Variants in ADGRA3 observed in about 807,000 individuals in gnomAD.
The protein encoded by ADGRA3 is adhesion G protein-coupled receptor A3.
A neutral mutation model predicts 119.8 loss-of-function variants in ADGRA3; 56 were observed. That is an observed-to-expected ratio of 0.47 (90% CI 0.38 to 0.58). The LOEUF (loss-of-function observed/expected upper bound fraction) is 0.58. Ranked by LOEUF, ADGRA3 falls within the 20% of genes least tolerant of loss-of-function variation. ADGRA3 has a pLI of 0.00. For missense variants in ADGRA3, 1,516 were observed against 1,649.0 expected (o/e 0.92, Z 1.40); for synonymous variants, 607 against 623.8 (o/e 0.97, Z 0.40).
At chr4:22,471,417 G>A (rs1284744108) in intron 2 of ADGRA3, among the ~76,000 whole-genome samples, 1 of 152,028 alleles carries the variant, frequency 6.6e-6, no homozygotes, top group Non-Finnish European at 1.5e-5. Context: ...CTCATGACAC[G>A]TAACAAACCT....
rs182956297 is a variant in ADGRA3, at chr4:22,491,532, C to T, written c.258-17689G>A. Among the ~76,000 whole-genome samples, 192 of 152,224 alleles carry T rather than the reference C, an allele frequency of 1.3e-3. 1 individual carries two copies. Among genetic ancestry groups the T allele is most frequent in the Non-Finnish European group, 1.9e-3 (130 of 68,016 alleles). On this transcript the variant is annotated intron_variant, in intron 1 of 18. Coordinates refer to ENST00000334304, the MANE Select transcript of ADGRA3 (RefSeq NM_145290.4). Reference sequence around the variant, plus strand: ...CTTCAGAGTTGTAGCAAGAATCCTCCGAAGTCAGTTTAGAGAGAATGCTCC... The same window carrying T: ...CTTCAGAGTTGTAGCAAGAATCCTCTGAAGTCAGTTTAGAGAGAATGCTCC...
rs755303518 is a variant in ADGRA3 at position 22,387,943 on chromosome 4, C to A, written c.3728G>T (p.Cys1243Phe). 1 of 1,614,150 alleles carries A rather than the reference C, an allele frequency of 6.2e-7. No homozygotes were observed. The highest frequency in any genetic ancestry group is 8.5e-7 in the Non-Finnish European group (1 of 1,180,020). The part of the protein sequence containing the change: ...NPPQQDSSDA[C>F]STLPKSSRNF... ...TCTGCTACTTTTGGGAAGTGTGCTA[C>A]AAGCATCGCTGCTGTCTTGCTGGGG... Residue 1243 changes from cysteine (C) to phenylalanine (F), a missense_variant, in exon 19 of 19, where the codon TGT becomes TTT. Around this residue, in one of 2 missense-constraint regions of ADGRA3, gnomAD observed 1,088 missense variants for 1,107.1 expected, o/e 0.98. Transcript: ENST00000334304.
At chr4:22,503,697 T>G (rs371993803) in intron 1 of ADGRA3, among the ~76,000 whole-genome samples, 1 of 152,302 alleles carries the variant, frequency 6.6e-6, no homozygotes, top group East Asian at 1.9e-4. Context: ...CTTGGAACCA[T>G]GTATTCTAAC....
chr4:22,440,125 C>T (rs1296984652), intron 7 of ADGRA3, among the ~76,000 whole-genome samples: 1 of 152,150 alleles, frequency 6.6e-6, no homozygotes, highest in South Asian at 2.1e-4. Context: ...GTAGCACTTG[C>T]TTTGTACCAC....
Position 22,447,487 on chromosome 4 carries a change from A to G in ADGRA3, c.498T>C (p.Ser166=). 6.3e-7 allele frequency: 1 copy of G among 1,580,186 alleles called. No individual in the cohort carries two copies. The highest frequency in any genetic ancestry group is 8.6e-7 in the Non-Finnish European group (1 of 1,165,058). Residue 166 remains serine, a synonymous_variant, in exon 5 of 19, where the codon TCT becomes TCC. Coordinates refer to ENST00000334304, the MANE Select transcript of ADGRA3 (RefSeq NM_145290.4). The part of the protein sequence containing the change: ...VRLNLSGNLF[S]SLSQGTFDYL... ...AATCAAAAGTTCCTTGAGATAATGAAGAAAACAAATTCCCCGAAAGGTTTC... is the reference window on the plus strand; with the variant it reads ...AATCAAAAGTTCCTTGAGATAATGAGGAAAACAAATTCCCCGAAAGGTTTC...
chr4:22,468,948 A>C (rs1220613867), intron 2 of ADGRA3, among the ~76,000 whole-genome samples: 1 of 152,080 alleles, frequency 6.6e-6, no homozygotes, highest in African/African-American at 2.4e-5. Context: ...TCTTCTAATA[A>C]TAATGTTTTT....
intron 2 of ADGRA3, among the ~76,000 whole-genome samples, chr4:22,464,104 C>T (rs1475971037): frequency 2.6e-5 from 4 of 152,076 alleles, no homozygotes; most frequent in Admixed American, 6.6e-5. Context: ...AACCAAACTC[C>T]CTGCAACCAC....
intron 16 of ADGRA3, among the ~76,000 whole-genome samples, chr4:22,400,942 A>G (rs2045815): frequency 0.077 from 11,794 of 152,230 alleles, 827 homozygotes; most frequent in East Asian, 0.29. Context: ...CAAGAAGACT[A>G]TTCACTAAGC....
chr4:22,474,321 T>C (rs949355297), intron 1 of ADGRA3, among the ~76,000 whole-genome samples: 1 of 152,214 alleles, frequency 6.6e-6, no homozygotes, highest in East Asian at 1.9e-4. Flanking sequence ...TTTAACAATA[T>C]ACAAATCTAC....
At chr4:22,505,843 A>T (rs1170421239) in intron 1 of ADGRA3, among the ~76,000 whole-genome samples, 2 of 152,162 alleles carry the variant, frequency 1.3e-5, no homozygotes, top group Non-Finnish European at 2.9e-5. Context: ...TACAAGACTA[A>T]GATAAAACTG....
At chr4:22,463,071 A>G (rs1472577930) in intron 2 of ADGRA3, among the ~76,000 whole-genome samples, 4 of 152,206 alleles carry the variant, frequency 2.6e-5, no homozygotes, top group Non-Finnish European at 4.4e-5. Flanking sequence ...TGTCTACTGA[A>G]GCCAGAGTGG....
At chr4:22,453,089 C>A (rs1161057406) in intron 4 of ADGRA3, among the ~76,000 whole-genome samples, 1 of 151,344 alleles carries the variant, frequency 6.6e-6, no homozygotes, top group Non-Finnish European at 1.5e-5. Context: ...GTAATCCCAG[C>A]TACTCGCAAG....
chr4:22,427,070 G>A (rs959013817), intron 10 of ADGRA3, among the ~76,000 whole-genome samples: 18 of 152,152 alleles, frequency 1.2e-4, no homozygotes, highest in African/African-American at 4.1e-4. Context: ...TTAAGATTTT[G>A]TCTATTATTC....
rs35762546 is a variant in ADGRA3, at chr4:22,442,712, G to A, written c.858C>T (p.Thr286=). Residue 286 remains threonine (T), a synonymous_variant, in exon 7 of 19, where the codon ACC becomes ACT. Transcript: ENST00000334304. The part of the protein sequence containing the change: ...LWYQDGRIVE[T]DESQGIFVEK... ...CAACAAAAATACCTTGCGATTCATC[G>A]GTTTCAACTATTCTCCCATCCTGAT... 0.016 allele frequency: 26,299 copies of A among 1,613,086 alleles called. 275 individuals are homozygous for A. The highest frequency in any genetic ancestry group is 0.043 in the Middle Eastern group (263 of 6,054).
At position 22,402,912 on chromosome 4, in the gene ADGRA3, CTCTT is replaced by C. The variant is rs1479687263; in HGVS notation, c.2233-117_2233-114del. 2.0e-5 allele frequency: 20 copies of C among 983,808 alleles called. 1 individual carries two copies. In the Middle Eastern group the frequency reaches 8.6e-4, roughly 42 times the overall value. 60.9% of individuals were successfully genotyped at this position (983,808 alleles called of 1,614,324 possible). The stretch of plus-strand genomic sequence containing the variant: ...TAAACAAAAACTCTGGCCCTTATGT[CTCTT>C]TATTTTATTCAGACTAATGTTTCAC... On this transcript the variant is annotated intron_variant, in intron 14 of 18. Transcript: ENST00000334304.
chr4:22,500,767 G>A (rs1171401143), intron 1 of ADGRA3, among the ~76,000 whole-genome samples: 1 of 152,148 alleles, frequency 6.6e-6, no homozygotes, highest in South Asian at 2.1e-4. Context: ...ATTTCCAGAA[G>A]AGATTAGCAC....
chr4:22,497,580 C>T (rs1000270399), intron 1 of ADGRA3, among the ~76,000 whole-genome samples: 7 of 151,810 alleles, frequency 4.6e-5, no homozygotes, highest in African/African-American at 1.5e-4. Context: ...ATCCCATTTT[C>T]GGAAGCCAAG....
intron 2 of ADGRA3, among the ~76,000 whole-genome samples, chr4:22,469,423 G>C (rs953434514): frequency 6.6e-5 from 10 of 152,152 alleles, no homozygotes; most frequent in African/African-American, 2.4e-4. Context: ...TTGAATGAAT[G>C]AATCCTCACT....
intron 1 of ADGRA3, among the ~76,000 whole-genome samples, chr4:22,492,217 T>G (rs1718647650): frequency 6.6e-6 from 1 of 152,064 alleles, no homozygotes; most frequent in African/African-American, 2.4e-5. Flanking sequence ...CAACCAGCGC[T>G]TCGTCTCCTC....
Sources: gnomAD v4.1 joint callset for allele counts (sites outside exome capture counted in the v4.1 genomes callset) on GRCh38, gnomAD v4.1.1 for gene constraint, gnomAD v4.1.1 regional missense constraint, MANE v1.5 for transcripts, NCBI Gene and HGNC (gene_info 2026-07-23, HGNC 2026-07-21) for gene names.